The following LRRC7 variants were observed in gnomAD, a reference collection of about 807,000 sequenced individuals.
LRRC7 encodes leucine rich repeat containing 7.
A neutral mutation model predicts 175.7 loss-of-function variants in LRRC7; 23 were observed. The ratio of observed to expected loss-of-function variants is 0.13; its 90% CI spans 0.09 to 0.19. The LOEUF (loss-of-function observed/expected upper bound fraction) is 0.19. Among genes scored for constraint, LRRC7 ranks in the 10% least tolerant of loss-of-function variants. LRRC7 has a pLI of 1.00. For missense variants in LRRC7, 1,354 were observed against 1,904.7 expected, an observed-to-expected ratio of 0.71 and a Z score of 5.38; for synonymous variants, 685 against 680.9, an observed-to-expected ratio of 1.01 and a Z score of -0.09.
chr1:69,986,129 G>C (rs2101897642), intron 9 of LRRC7, 113 bp from the exon 10 acceptor site: 1 of 956,592 alleles, frequency 1.0e-6, no homozygotes, highest in Non-Finnish European at 1.5e-6. Context: ...GCCAACACTT[G>C]TTATTGTTGT....
chr1:69,718,238 T>A (rs1665956792), intron 2 of LRRC7, among the ~76,000 whole-genome samples: 1 of 149,352 alleles, frequency 6.7e-6, no homozygotes. Flanking sequence ...CTGCAGGGAG[T>A]TTGGTGCTGG....
chr1:69,611,820 T>C (rs541030233), intron 1 of LRRC7, among the ~76,000 whole-genome samples: 2 of 152,160 alleles, frequency 1.3e-5, no homozygotes, highest in South Asian at 4.1e-4. Flanking sequence ...AAAAGGACAT[T>C]TGTTTATAAC....
In LRRC7 at chr1:70,142,940, G is replaced by A. The variant is rs925327076; in HGVS notation, c.*21053G>A. ...CTATGAAAATTATTTTTTCCTAAAC[G>A]ATTTCATAATTGATTACTTTTGACC... On this transcript the variant is annotated 3_prime_UTR_variant, in exon 27 of 27. Transcript: ENST00000651989. 3 of 151,748 alleles carry A rather than the reference G, an allele frequency of 2.0e-5. No homozygotes were observed. Among genetic ancestry groups the A allele is most frequent in the Admixed American group, 2.0e-4 (3 of 15,200 alleles). 9.4% of individuals were successfully genotyped at this position (151,748 alleles called of 1,614,324 possible).
At chr1:69,933,771 G>A (rs926060481) in intron 8 of LRRC7, among the ~76,000 whole-genome samples, 3 of 152,018 alleles carry the variant, frequency 2.0e-5, no homozygotes, top group Non-Finnish European at 4.4e-5. Context: ...TGAAAAGGGT[G>A]GGTTTATTTT....
intron 4 of LRRC7, among the ~76,000 whole-genome samples, chr1:69,816,861 T>C (rs189488787): frequency 3.3e-5 from 5 of 152,204 alleles, no homozygotes; most frequent in Admixed American, 2.6e-4. Context: ...GAATTAGACT[T>C]TTTTAGATTC....
Position 70,137,681 on chromosome 1 carries a change from C to T in LRRC7, c.*15794C>T, listed in dbSNP as rs1487890645. The stretch of plus-strand genomic sequence containing the variant: ...AAACTAAAGAATGCCTGGAACTATG[C>T]AGACATAGATCAAGTCTCATGCATG... On this transcript the variant is annotated 3_prime_UTR_variant, in exon 27 of 27. Coordinates refer to ENST00000651989, the MANE Select transcript of LRRC7 (RefSeq NM_001370785.2). Among the ~76,000 whole-genome samples, 1 of 152,206 alleles carries T rather than the reference C, an allele frequency of 6.6e-6. No individual in the cohort carries two copies. The highest frequency in any genetic ancestry group is 1.5e-5 in the Non-Finnish European group (1 of 68,034).
At position 70,140,414 on chromosome 1, in the gene LRRC7, A is replaced by C. The variant is rs1667019225; in HGVS notation, c.*18527A>C. 6.6e-6 allele frequency: 1 copy of C among 152,016 alleles called. No individual in the cohort carries two copies. The highest frequency in any genetic ancestry group is 2.1e-4 in the South Asian group (1 of 4,834). The allele number at this position is 152,016 out of a possible 1,614,324, so 9.4% of individuals were successfully genotyped here. A position where few individuals can be genotyped will look rare whatever the true frequency, so the allele number is the denominator to read the frequency against. ...TCATTGATCTGGCCACATAAGGAAC[A>C]TCCTGTTTCTTTAAATCCTCAATGC... On this transcript the variant is annotated 3_prime_UTR_variant, in exon 27 of 27. Transcript: ENST00000651989.
At chr1:69,923,616 G>A (rs1020463118) in intron 7 of LRRC7, among the ~76,000 whole-genome samples, 12 of 152,200 alleles carry the variant, frequency 7.9e-5, no homozygotes, top group African/African-American at 2.4e-4. Flanking sequence ...AGAAGTGTCT[G>A]TTCATGTCCT....
chr1:70,037,920 A>G (rs959127559), intron 20 of LRRC7, among the ~76,000 whole-genome samples, 193 bp from the exon 21 acceptor site: 1 of 146,342 alleles, frequency 6.8e-6, no homozygotes, highest in Non-Finnish European at 1.5e-5. Flanking sequence ...TATTACTAGG[A>G]AAAAAAAGTT....
intron 2 of LRRC7, among the ~76,000 whole-genome samples, chr1:69,683,622 A>G (rs1570341028): frequency 1.3e-5 from 2 of 152,094 alleles, no homozygotes; most frequent in African/African-American, 4.8e-5. Flanking sequence ...CCTGGAAAGG[A>G]AGAGTTTGCC....
intron 11 of LRRC7, among the ~76,000 whole-genome samples, chr1:70,009,929 A>C (rs1465602350): frequency 1.3e-5 from 2 of 152,098 alleles, no homozygotes; most frequent in Non-Finnish European, 2.9e-5. Context: ...TTGTGCACTC[A>C]TCCCACCCTC....
chr1:69,998,427 T>G (rs1655218325), intron 11 of LRRC7, among the ~76,000 whole-genome samples: 1 of 152,192 alleles, frequency 6.6e-6, no homozygotes. Context: ...CCATTTTTTT[T>G]TATTTTAATG....
Position 69,938,997 on chromosome 1 carries a change from A to T in LRRC7, c.711+7427A>T, listed in dbSNP as rs866608503. On this transcript the variant is annotated intron_variant, in intron 8 of 26. Coordinates refer to ENST00000651989, the MANE Select transcript of LRRC7 (RefSeq NM_001370785.2). ...TGTAAAGCCACTAAGGCTGTAGATTATATATATATATATATATCTATATAT... is the reference window on the plus strand; with the variant it reads ...TGTAAAGCCACTAAGGCTGTAGATTTTATATATATATATATATCTATATAT... Among the ~76,000 whole-genome samples the T allele has an allele frequency of 4.9e-3, 467 of 95,922 alleles. 4 individuals carry two copies. The highest frequency in any genetic ancestry group is 0.015 in the African/African-American group (398 of 26,686). 62.9% of individuals were successfully genotyped at this position (95,922 alleles called of 152,430 possible).
At chr1:69,768,731 A>G (rs759341652) in intron 3 of LRRC7, among the ~76,000 whole-genome samples, 9 of 152,268 alleles carry the variant, frequency 5.9e-5, no homozygotes, top group African/African-American at 1.9e-4. Context: ...CAGTTTTTAC[A>G]TTTTTGATGC....
At chr1:69,577,741 C>A (rs1298892247) in intron 1 of LRRC7, among the ~76,000 whole-genome samples, 1 of 152,032 alleles carries the variant, frequency 6.6e-6, no homozygotes, top group Non-Finnish European at 1.5e-5. Flanking sequence ...TGATCTATAT[C>A]TCTGTTTTGG....
Position 70,122,162 on chromosome 1 carries a change from T to G in LRRC7, c.*275T>G. The G allele has an allele frequency of 4.1e-6, 1 of 242,850 alleles. No individual in the cohort carries two copies. The highest frequency in any genetic ancestry group is 7.9e-6 in the Non-Finnish European group (1 of 127,234). 15.0% of individuals were successfully genotyped at this position (242,850 alleles called of 1,614,324 possible). A position where few individuals can be genotyped will look rare whatever the true frequency, so the allele number is the denominator to read the frequency against. Reference sequence around the variant, plus strand: ...GTTTTTGTTTTTAATCAAATAAGTTTCTTCTCAAAATGGATTTCATATAAT... The same window carrying G: ...GTTTTTGTTTTTAATCAAATAAGTTGCTTCTCAAAATGGATTTCATATAAT... On this transcript the variant is annotated 3_prime_UTR_variant, in exon 27 of 27. Coordinates refer to ENST00000651989, the MANE Select transcript of LRRC7 (RefSeq NM_001370785.2).
At chr1:69,837,673 T>C in intron 6 of LRRC7, among the ~76,000 whole-genome samples, 1 of 151,774 alleles carries the variant, frequency 6.6e-6, no homozygotes, top group East Asian at 1.9e-4. Flanking sequence ...CAATTATCTA[T>C]TGAATGGATA....
intron 7 of LRRC7, among the ~76,000 whole-genome samples, chr1:69,916,404 A>C (rs2101721018): frequency 6.7e-6 from 1 of 150,030 alleles, no homozygotes; most frequent in African/African-American, 2.4e-5. Flanking sequence ...TGAATTTTTA[A>C]AAAACCTATT....
At chr1:69,803,666 A>G (rs1025256964) in intron 4 of LRRC7, among the ~76,000 whole-genome samples, 3 of 151,514 alleles carry the variant, frequency 2.0e-5, no homozygotes, top group East Asian at 1.9e-4. Context: ...TTATAAAATC[A>G]TTTTATCTAC....
Sources: gnomAD v4.1 joint callset for allele counts (sites outside exome capture counted in the v4.1 genomes callset) on GRCh38, gnomAD v4.1.1 for gene constraint, MANE v1.5 for transcripts, NCBI Gene and HGNC (gene_info 2026-07-23, HGNC 2026-07-21) for gene names.